Variants in CORIN observed in about 807,000 individuals in gnomAD.
CORIN encodes the protein corin, serine peptidase.
Under a neutral mutation model 125.3 loss-of-function variants are expected in CORIN, and 117 were observed. The observed-to-expected ratio is 0.93, with a 90% CI of 0.80 to 1.09. The LOEUF is 1.09. CORIN is among the 50% of genes least tolerant of loss of function. CORIN has a pLI of 0.00. For synonymous variants in CORIN, 450 were observed against 466.4 expected, an observed-to-expected ratio of 0.96 and a Z score of 0.45; for missense variants, 1,253 against 1,306.7, an observed-to-expected ratio of 0.96 and a Z score of 0.63.
At chr4:47,700,257 T>C (rs1040591146) in intron 5 of CORIN, among the ~76,000 whole-genome samples, 6 of 152,166 alleles carry the variant, frequency 3.9e-5, no homozygotes, top group Admixed American at 2.0e-4. Context: ...AAACATAGAA[T>C]GAGTGACTTT....
At chr4:47,821,122 C>A (rs1378095507) in intron 1 of CORIN, among the ~76,000 whole-genome samples, 2 of 151,996 alleles carry the variant, frequency 1.3e-5, no homozygotes, top group African/African-American at 2.4e-5. Flanking sequence ...GTAGTACCAG[C>A]TGCTCGGGAG....
At chr4:47,651,035 C>CAT (rs1395087356) in intron 13 of CORIN, among the ~76,000 whole-genome samples, 3 of 152,182 alleles carry the variant, frequency 2.0e-5, no homozygotes, top group African/African-American at 7.2e-5. Context: ...AATTCTAATG[C>CAT]ATATATTTTA....
intron 3 of CORIN, among the ~76,000 whole-genome samples, chr4:47,767,762 A>G (rs536772912): frequency 6.6e-6 from 1 of 152,214 alleles, no homozygotes; most frequent in Non-Finnish European, 1.5e-5. Context: ...GACACCACAT[A>G]AATGCAAAGG....
In CORIN at chr4:47,645,078, T is replaced by TA. The variant is rs1276709493; in HGVS notation, c.1957+2dup. 4 of 1,566,824 alleles carry TA rather than the reference T, an allele frequency of 2.6e-6. No homozygotes were observed. The highest frequency in any genetic ancestry group is 3.5e-6 in the Non-Finnish European group (4 of 1,143,408). ...CTGTTGACAAATTCGCATAAGCACT[T>TA]ACAGCAGTTTTTCTCGTCCATGTAA... On this transcript the variant is annotated splice_region_variant and intron_variant, in intron 14 of 21. Coordinates refer to ENST00000273857, the MANE Select transcript of CORIN (RefSeq NM_006587.4).
At chr4:47,597,098 T>C (rs1350671895) in intron 21 of CORIN, among the ~76,000 whole-genome samples, 3 of 152,104 alleles carry the variant, frequency 2.0e-5, no homozygotes, top group South Asian at 2.1e-4. Context: ...ACACCTGTAA[T>C]CCCAGCACTT....
intron 21 of CORIN, among the ~76,000 whole-genome samples, chr4:47,597,951 T>C (rs1721314172): frequency 6.6e-6 from 1 of 152,186 alleles, no homozygotes; most frequent in Non-Finnish European, 1.5e-5. Flanking sequence ...GAATGAGTGA[T>C]GACTTCCAGG....
intron 5 of CORIN, among the ~76,000 whole-genome samples, chr4:47,713,131 T>TA (rs1025791257): frequency 6.6e-6 from 1 of 152,068 alleles, no homozygotes; most frequent in African/African-American, 2.4e-5. Flanking sequence ...CTATAGGGAA[T>TA]AAAAAGAGAT....
chr4:47,719,712 C>G (rs1198805402), intron 5 of CORIN, among the ~76,000 whole-genome samples: 2 of 152,124 alleles, frequency 1.3e-5, no homozygotes, highest in East Asian at 3.8e-4. Flanking sequence ...TTATACTCAG[C>G]AAGGGGTCTT....
chr4:47,623,500 T>C, intron 19 of CORIN, 71 bp downstream of exon 19: 5 of 1,508,854 alleles, frequency 3.3e-6, no homozygotes, highest in Non-Finnish European at 4.5e-6. Flanking sequence ...GAGTTACATA[T>C]GCCACTGAGA....
intron 8 of CORIN, chr4:47,679,891 C>T (rs542526678): frequency 1.6e-4 from 55 of 349,158 alleles, no homozygotes; most frequent in African/African-American, 1.1e-3. Context: ...AGAAAACAGA[C>T]ACCCACTTGG....
At chr4:47,721,267 A>AT (rs1727336932) in intron 5 of CORIN, among the ~76,000 whole-genome samples, 1 of 144,776 alleles carries the variant, frequency 6.9e-6, no homozygotes, top group African/African-American at 2.5e-5. Flanking sequence ...CCATAACCTC[A>AT]TTTTTTCTTT....
chr4:47,835,453 A>G (rs904752040), intron 1 of CORIN, among the ~76,000 whole-genome samples: 2 of 152,148 alleles, frequency 1.3e-5, no homozygotes, highest in Non-Finnish European at 2.9e-5. Flanking sequence ...ACACTCAGAA[A>G]CCCTAAGACC....
chr4:47,702,923 C>CT (rs747630543), intron 5 of CORIN, among the ~76,000 whole-genome samples: 38 of 150,804 alleles, frequency 2.5e-4, no homozygotes, highest in African/African-American at 5.3e-4. Context: ...CTTTTTTTTT[C>CT]TTTTTTTTAT....
At chr4:47,825,892 C>G (rs1035614616) in intron 1 of CORIN, among the ~76,000 whole-genome samples, 12 of 151,814 alleles carry the variant, frequency 7.9e-5, no homozygotes, top group African/African-American at 2.9e-4. Context: ...TTAGTAGAGA[C>G]AGGGATTCAC....
intron 2 of CORIN, among the ~76,000 whole-genome samples, chr4:47,788,597 G>A (rs1412090420): frequency 6.6e-6 from 1 of 152,104 alleles, no homozygotes; most frequent in Non-Finnish European, 1.5e-5. Context: ...AATTACTATA[G>A]GAAATGTATT....
chr4:47,810,684 A>T (rs576988440), intron 1 of CORIN, among the ~76,000 whole-genome samples: 53 of 152,120 alleles, frequency 3.5e-4, no homozygotes, highest in African/African-American at 1.3e-3. Context: ...CTCTCTGGTC[A>T]TTCCTTCTCT....
chr4:47,790,127 G>A (rs555418994), intron 2 of CORIN: 1 of 637,054 alleles, frequency 1.6e-6, no homozygotes, highest in African/African-American at 2.0e-5. Context: ...ATTGTGCTAT[G>A]GTTAAAAGTA....
At chr4:47,798,423 T>C (rs1455350023) in intron 2 of CORIN, among the ~76,000 whole-genome samples, 1 of 152,164 alleles carries the variant, frequency 6.6e-6, no homozygotes, top group Admixed American at 6.5e-5. Flanking sequence ...TCAGCATCCC[T>C]TAGCAACCCT....
intron 3 of CORIN, among the ~76,000 whole-genome samples, chr4:47,783,288 T>C (rs1346034787): frequency 6.6e-6 from 1 of 152,146 alleles, no homozygotes; most frequent in Non-Finnish European, 1.5e-5. Flanking sequence ...ACATTAACTA[T>C]GGGCCTTTTC....
Sources: allele counts gnomAD v4.1 joint callset (sites outside exome capture counted in the v4.1 genomes callset), GRCh38; gene constraint gnomAD v4.1.1; transcripts MANE v1.5; gene names NCBI Gene and HGNC (gene_info 2026-07-23, HGNC 2026-07-21).